Variants in TTLL5 observed in about 807,000 individuals in gnomAD.
TTLL5 encodes tubulin polyglutamylase TTLL5.
A neutral mutation model predicts 168.4 loss-of-function variants in TTLL5; 132 were observed. That is an observed-to-expected ratio of 0.78 (90% CI 0.68 to 0.91). TTLL5 has a LOEUF of 0.91. Among genes scored for constraint, TTLL5 ranks in the 40% least tolerant of loss-of-function variants. TTLL5 has a pLI of 0.00. For missense variants in TTLL5, 1,545 were observed against 1,581.5 expected (o/e 0.98, Z 0.39); for synonymous variants, 546 against 558.6 (o/e 0.98, Z 0.32).
intron 15 of TTLL5, among the ~76,000 whole-genome samples, chr14:75,738,300 G>A (rs1353255807): frequency 6.6e-6 from 1 of 152,060 alleles, no homozygotes; most frequent in Non-Finnish European, 1.5e-5. Context: ...TTAGTATGAG[G>A]GATATAGATA....
chr14:75,941,570 G>C (rs1249749500), intron 31 of TTLL5: 1 of 152,118 alleles, frequency 6.6e-6, no homozygotes, highest in Admixed American at 6.5e-5. Flanking sequence ...TCAGACCTTG[G>C]AGGGAGAAAA....
At chr14:75,752,407 G>A (rs972368149) in intron 17 of TTLL5, among the ~76,000 whole-genome samples, 10 of 152,308 alleles carry the variant, frequency 6.6e-5, no homozygotes, top group African/African-American at 7.2e-5. Context: ...ACTTTTGAAA[G>A]TTTGGAAGAG....
intron 6 of TTLL5, among the ~76,000 whole-genome samples, chr14:75,691,936 G>A (rs991127405): frequency 8.5e-4 from 129 of 152,166 alleles, no homozygotes; most frequent in African/African-American, 3.0e-3. Context: ...ATCTAATAGC[G>A]TTTGTTGCTC....
intron 28 of TTLL5, among the ~76,000 whole-genome samples, chr14:75,845,479 C>T (rs1896496389): frequency 6.6e-6 from 1 of 152,020 alleles, no homozygotes; most frequent in African/African-American, 2.4e-5. Context: ...GTTTGAAATG[C>T]CCTACAACTT....
At chr14:75,706,989 T>C (rs1381165859) in intron 7 of TTLL5, 29 bp from the exon 8 acceptor site, 1 of 1,560,650 alleles carries the variant, frequency 6.4e-7, no homozygotes, top group Non-Finnish European at 8.8e-7. Context: ...TGTATTTCTA[T>C]TCTTTCATTC....
At chr14:75,721,512 C>T (rs1887836011) in intron 12 of TTLL5, among the ~76,000 whole-genome samples, 2 of 152,114 alleles carry the variant, frequency 1.3e-5, no homozygotes, top group South Asian at 2.1e-4. Context: ...ATATGAGAGT[C>T]GTGCTTTGGT....
chr14:75,919,578 C>T (rs1174375182), intron 31 of TTLL5, among the ~76,000 whole-genome samples: 1 of 151,994 alleles, frequency 6.6e-6, no homozygotes, highest in Admixed American at 6.6e-5. Context: ...TATCCACATG[C>T]AAAACAGTGA....
chr14:75,926,210 C>T (rs1244261246), intron 31 of TTLL5, among the ~76,000 whole-genome samples: 6 of 88,150 alleles, frequency 6.8e-5, no homozygotes, highest in African/African-American at 1.9e-4. Flanking sequence ...GGTAGATCTT[C>T]GTCCATCCCT....
chr14:75,902,008 C>A (rs1035401644), intron 30 of TTLL5, 134 bp from the exon 31 acceptor site: 1 of 720,672 alleles, frequency 1.4e-6, no homozygotes, highest in Non-Finnish European at 2.5e-6. Flanking sequence ...GACATTTGAA[C>A]AAAGCCTTGA....
In TTLL5 at chr14:75,745,210, T is replaced by G; in HGVS notation, c.1395+2T>G. 6.2e-7 allele frequency: 1 copy of G among 1,613,434 alleles called. No individual in the cohort carries two copies. The highest frequency in any genetic ancestry group is 8.5e-7 in the Non-Finnish European group (1 of 1,179,680). Reference sequence around the variant, plus strand: ...GTGCTTGGTCTGTCAATGGAGGAGGTAAAGATAAGTTCATTTTAGGCTTTT... The same window carrying G: ...GTGCTTGGTCTGTCAATGGAGGAGGGAAAGATAAGTTCATTTTAGGCTTTT... On this transcript the variant is annotated splice_donor_variant, in intron 16 of 31. Transcript: ENST00000298832. LOFTEE classifies it high-confidence loss of function.
chr14:75,937,414 C>T (rs140799853), intron 31 of TTLL5, among the ~76,000 whole-genome samples: 2,738 of 152,078 alleles, frequency 0.018, 91 homozygotes, highest in African/African-American at 0.063. Context: ...CATGAGCCAC[C>T]ATGCCTGGTC....
chr14:75,792,378 TAAAAA>T, intron 26 of TTLL5, among the ~76,000 whole-genome samples: 1 of 149,004 alleles, frequency 6.7e-6, no homozygotes, highest in East Asian at 2.0e-4. Flanking sequence ...ATAATAATAA[TAAAAA>T]AGAAAACATG....
At chr14:75,858,100 G>A (rs1341592906) in intron 28 of TTLL5, among the ~76,000 whole-genome samples, 1 of 152,112 alleles carries the variant, frequency 6.6e-6, no homozygotes, top group Non-Finnish European at 1.5e-5. Context: ...ATTGGACCTG[G>A]GGGCTGCGGA....
At chr14:75,779,545 G>A in intron 23 of TTLL5, 30 bp from the exon 24 acceptor site, 1 of 1,606,100 alleles carries the variant, frequency 6.2e-7, no homozygotes, top group Non-Finnish European at 8.5e-7. Flanking sequence ...ATAGCTTCCT[G>A]TCTGACCATA....
chr14:75,696,694 C>G (rs993198745), intron 6 of TTLL5, among the ~76,000 whole-genome samples: 1 of 152,124 alleles, frequency 6.6e-6, no homozygotes, highest in African/African-American at 2.4e-5. Context: ...CTCTTTTCTC[C>G]TCTTGTTCCT....
At chr14:75,750,550 G>A (rs1285373635) in intron 17 of TTLL5, among the ~76,000 whole-genome samples, 4 of 150,914 alleles carry the variant, frequency 2.7e-5, no homozygotes, top group Admixed American at 1.3e-4. Context: ...AATACAGTAT[G>A]TAATACATAT....
At chr14:75,832,733 C>G (rs1895643319) in intron 28 of TTLL5, among the ~76,000 whole-genome samples, 1 of 152,152 alleles carries the variant, frequency 6.6e-6, no homozygotes, top group Admixed American at 6.5e-5. Context: ...ACTAATCTCT[C>G]CCAGAATTGA....
At chr14:75,678,179 A>G (rs76110443) in intron 3 of TTLL5, among the ~76,000 whole-genome samples, 1 of 152,204 alleles carries the variant, frequency 6.6e-6, no homozygotes, top group African/African-American at 2.4e-5. Context: ...TCATTTTTGT[A>G]CACATTTTAT....
At chr14:75,707,822 T>G in intron 9 of TTLL5, 115 bp downstream of exon 9, 1 of 899,258 alleles carries the variant, frequency 1.1e-6, no homozygotes, top group Non-Finnish European at 1.8e-6. Context: ...TACTTGTCAT[T>G]ACTGCTTACA....
Sources: allele counts gnomAD v4.1 joint callset (sites outside exome capture counted in the v4.1 genomes callset), GRCh38; gene constraint gnomAD v4.1.1; transcripts MANE v1.5; gene names NCBI Gene and HGNC (gene_info 2026-07-23, HGNC 2026-07-21).